SORCS1: variants seen among roughly 807,000 people sequenced by gnomAD.
SORCS1 encodes sortilin related VPS10 domain containing receptor 1.
A neutral mutation model predicts 146.1 loss-of-function variants in SORCS1; 60 were observed. The observed-to-expected ratio is 0.41, with a 90% CI of 0.33 to 0.51. The LOEUF (loss-of-function observed/expected upper bound fraction) is 0.51. Ranked by LOEUF, SORCS1 falls within the 20% of genes least tolerant of loss-of-function variation. SORCS1 has a pLI of 0.21. For missense variants in SORCS1, 1,352 were observed against 1,487.6 expected (o/e 0.91, Z 1.50); for synonymous variants, 637 against 584.0 (o/e 1.09, Z -1.31).
At chr10:107,035,619 C>A (rs1215410045) in intron 1 of SORCS1, among the ~76,000 whole-genome samples, 1 of 152,196 alleles carries the variant, frequency 6.6e-6, no homozygotes, top group Non-Finnish European at 1.5e-5. Flanking sequence ...GGCTCACTAA[C>A]TGATTGCAAA....
intron 1 of SORCS1, among the ~76,000 whole-genome samples, chr10:107,162,123 G>A (rs1415192): frequency 0.64 from 97,279 of 152,040 alleles, 33,986 homozygotes; most frequent in Non-Finnish European, 0.8. Context: ...TTTCCTAAAC[G>A]GAGGTTAAAA....
intron 2 of SORCS1, among the ~76,000 whole-genome samples, chr10:106,942,880 G>A (rs947531465): frequency 5.3e-5 from 8 of 152,080 alleles, no homozygotes; most frequent in African/African-American, 1.4e-4. Context: ...CCTGGGAAAT[G>A]TAAACATGGC....
chr10:106,616,855 G>A (rs1278895479), intron 21 of SORCS1, among the ~76,000 whole-genome samples: 2 of 151,994 alleles, frequency 1.3e-5, no homozygotes, highest in Non-Finnish European at 2.9e-5. Context: ...GGAAAATCCA[G>A]CCCCAAATTA....
chr10:107,063,682 T>G (rs2134130134), intron 1 of SORCS1, among the ~76,000 whole-genome samples: 1 of 152,320 alleles, frequency 6.6e-6, no homozygotes, highest in African/African-American at 2.4e-5. Flanking sequence ...GAGTTTTCAT[T>G]TTTGTGTTCT....
At chr10:107,031,319 AT>A (rs60052529) in intron 1 of SORCS1, among the ~76,000 whole-genome samples, 22 of 151,338 alleles carry the variant, frequency 1.5e-4, no homozygotes, top group Non-Finnish European at 1.3e-4. Flanking sequence ...CCCTTGCCAG[AT>A]TTTTTTTTCC....
At chr10:107,129,136 T>C (rs1966844637) in intron 1 of SORCS1, among the ~76,000 whole-genome samples, 1 of 152,206 alleles carries the variant, frequency 6.6e-6, no homozygotes, top group Non-Finnish European at 1.5e-5. Flanking sequence ...CTGGTTGCTA[T>C]TGACAGCAGA....
chr10:106,870,823 C>A (rs533086296), intron 2 of SORCS1, among the ~76,000 whole-genome samples: 5 of 152,076 alleles, frequency 3.3e-5, no homozygotes, highest in Non-Finnish European at 7.4e-5. Flanking sequence ...GCAACCAAAG[C>A]AAACATTGAC....
chr10:107,107,901 C>T (rs554307040), intron 1 of SORCS1, among the ~76,000 whole-genome samples: 1 of 152,326 alleles, frequency 6.6e-6, no homozygotes, highest in Admixed American at 6.5e-5. Context: ...CATTGGCAGA[C>T]AGGCCAGCCA....
intron 6 of SORCS1, among the ~76,000 whole-genome samples, chr10:106,726,185 CTTTTTTTTT>C: frequency 1.5e-5 from 1 of 66,298 alleles, no homozygotes; most frequent in Non-Finnish European, 2.8e-5. Context: ...CTTTCCCTCT[CTTTTTTTTT>C]TTTTTTTTTT....
chr10:106,883,632 C>A (rs984624073), intron 2 of SORCS1, among the ~76,000 whole-genome samples: 4 of 152,150 alleles, frequency 2.6e-5, no homozygotes, highest in African/African-American at 9.7e-5. Context: ...CCAGGATGGT[C>A]TCGATCTCCT....
At chr10:107,047,001 T>C (rs555219485) in intron 1 of SORCS1, among the ~76,000 whole-genome samples, 1 of 152,330 alleles carries the variant, frequency 6.6e-6, no homozygotes, top group South Asian at 2.1e-4. Flanking sequence ...TATTTATTTA[T>C]TTTTTGAGAT....
chr10:106,772,249 C>T (rs371303736), intron 4 of SORCS1, among the ~76,000 whole-genome samples: 62 of 152,218 alleles, frequency 4.1e-4, no homozygotes, highest in African/African-American at 1.5e-3. Flanking sequence ...TCTCCCCTGG[C>T]CCTCAGACAT....
intron 1 of SORCS1, among the ~76,000 whole-genome samples, chr10:107,127,072 A>G (rs1175898612): frequency 6.6e-6 from 1 of 152,052 alleles, no homozygotes; most frequent in Non-Finnish European, 1.5e-5. Context: ...GCCAACCCCA[A>G]TCTTGTTTGT....
chr10:106,797,374 T>C (rs889418964), intron 3 of SORCS1, among the ~76,000 whole-genome samples: 4 of 152,238 alleles, frequency 2.6e-5, no homozygotes, highest in Middle Eastern at 6.8e-3. Context: ...TCTCTAAGAC[T>C]GAAAAGTAAA....
intron 1 of SORCS1, among the ~76,000 whole-genome samples, chr10:107,156,327 C>A (rs1258577473): frequency 3.9e-5 from 6 of 152,274 alleles, no homozygotes; most frequent in African/African-American, 1.4e-4. Context: ...AGCTGGGTAA[C>A]CTTGAGCAAG....
intron 1 of SORCS1, among the ~76,000 whole-genome samples, chr10:107,095,570 T>C: frequency 6.6e-6 from 1 of 152,168 alleles, no homozygotes; most frequent in African/African-American, 2.4e-5. Flanking sequence ...AAGTGGCATA[T>C]AAGTATTCCT....
At chr10:106,885,565 G>A (rs1223626854) in intron 2 of SORCS1, among the ~76,000 whole-genome samples, 1 of 129,488 alleles carries the variant, frequency 7.7e-6, no homozygotes, top group Admixed American at 7.0e-5. Flanking sequence ...AGGGCTATCT[G>A]GAGGACAGTG....
chr10:106,822,791 T>TGTTTGTTTGTTTG (rs1564699920), intron 3 of SORCS1, among the ~76,000 whole-genome samples: 31 of 147,536 alleles, frequency 2.1e-4, no homozygotes, highest in African/African-American at 7.8e-4. Context: ...GGTTTTTTTT[T>TGTTTGTTTGTTTG]TTTTTTTTTT....
intron 1 of SORCS1, among the ~76,000 whole-genome samples, chr10:106,961,695 C>T (rs1458916396): frequency 2.6e-5 from 4 of 152,144 alleles, no homozygotes; most frequent in African/African-American, 4.8e-5. Flanking sequence ...CTCTCCTTAG[C>T]GTAAGACACT....
Sources: gnomAD v4.1 joint callset for allele counts (sites outside exome capture counted in the v4.1 genomes callset) on GRCh38, gnomAD v4.1.1 for gene constraint, MANE v1.5 for transcripts, NCBI Gene and HGNC (gene_info 2026-07-23, HGNC 2026-07-21) for gene names.